TTC17: variants seen among roughly 807,000 people sequenced by gnomAD.
TTC17 encodes tetratricopeptide repeat protein 17.
Under a neutral mutation model 143.8 loss-of-function variants are expected in TTC17, and 58 were observed. The ratio of observed to expected loss-of-function variants is 0.40; its 90% CI spans 0.33 to 0.50. The LOEUF (loss-of-function observed/expected upper bound fraction) is 0.50. TTC17 is among the 20% of genes least tolerant of loss of function. The pLI is 0.49. For synonymous variants in TTC17, 501 were observed against 497.8 expected, an observed-to-expected ratio of 1.01 and a Z score of -0.09; for missense variants, 1,273 against 1,392.5, an observed-to-expected ratio of 0.91 and a Z score of 1.37.
At chr11:43,425,867 T>G (rs1947016289) in intron 16 of TTC17, among the ~76,000 whole-genome samples, 2 of 152,240 alleles carry the variant, frequency 1.3e-5, no homozygotes, top group Admixed American at 1.3e-4. Context: ...GCCATAGCTT[T>G]GGATTTGTCT....
At chr11:43,485,108 C>T (rs369090449) in intron 21 of TTC17, among the ~76,000 whole-genome samples, 3 of 151,960 alleles carry the variant, frequency 2.0e-5, no homozygotes, top group East Asian at 3.9e-4. Context: ...ATAAAGTGCA[C>T]GATAAATGTA....
intron 16 of TTC17, among the ~76,000 whole-genome samples, chr11:43,430,704 T>TACACACACACACAC (rs1218079268): frequency 2.0e-5 from 1 of 50,338 alleles, no homozygotes; most frequent in Non-Finnish European, 4.4e-5. Flanking sequence ...ATCCCCTACA[T>TACACACACACACAC]ACACGCACAC....
rs1948451741 is a variant in TTC17, at chr11:43,490,330, C to T, written c.3122C>T (p.Ala1041Val). 1 of 1,611,754 alleles carries T rather than the reference C, an allele frequency of 6.2e-7. No individual in the cohort carries two copies. The highest frequency in any genetic ancestry group is 8.5e-7 in the Non-Finnish European group (1 of 1,178,626). The change falls in exon 22 of 24, where the codon GCT becomes GTT. Residue 1041 changes from alanine to valine, a missense_variant. Around this residue, in one of 3 missense-constraint regions of TTC17, gnomAD observed 878 missense variants for 899.8 expected, o/e 0.98. Coordinates refer to ENST00000039989, the MANE Select transcript of TTC17 (RefSeq NM_018259.6). ...GKKAIDCLRQ[A>V]LHYAPHQMKD... ...AAGGCAATCGACTGCCTCCGCCAGG[C>T]TCTGCACTATGCGCCACACCAGATG...
intron 2 of TTC17, among the ~76,000 whole-genome samples, chr11:43,386,857 T>C (rs1857188954): frequency 6.6e-6 from 1 of 152,148 alleles, no homozygotes. Context: ...GGATGATCAT[T>C]GCTCACTATA....
At chr11:43,362,314 C>T (rs1335718608) in intron 1 of TTC17, among the ~76,000 whole-genome samples, 11 of 152,004 alleles carry the variant, frequency 7.2e-5, no homozygotes, top group Admixed American at 5.2e-4. Flanking sequence ...CCGCTGTGCC[C>T]GGCCATTATA....
chr11:43,434,196 C>T (rs1018115016), intron 16 of TTC17, among the ~76,000 whole-genome samples: 7 of 132,114 alleles, frequency 5.3e-5, no homozygotes, highest in African/African-American at 2.1e-4. Context: ...CACACACACA[C>T]ACACACACAC....
chr11:43,440,517 T>C (rs1370125107), intron 16 of TTC17, among the ~76,000 whole-genome samples: 1 of 152,230 alleles, frequency 6.6e-6, no homozygotes, highest in Non-Finnish European at 1.5e-5. Flanking sequence ...TAACATTTCC[T>C]TGTATACCTC....
intron 1 of TTC17, chr11:43,359,340 C>T (rs1855998197): frequency 1.9e-6 from 1 of 513,188 alleles, no homozygotes; most frequent in Middle Eastern, 5.3e-4. Context: ...CACCCTTCCA[C>T]CTCGCGGGCC....
chr11:43,374,573 A>AG (rs2134463443), intron 1 of TTC17, among the ~76,000 whole-genome samples: 1 of 152,282 alleles, frequency 6.6e-6, no homozygotes, highest in South Asian at 2.1e-4. Context: ...CAAGCAAAAA[A>AG]CAACTCCATT....
Position 43,491,326 on chromosome 11 carries a change from G to C in TTC17, c.3151-694G>C, listed in dbSNP as rs570331339. The C allele has an allele frequency of 2.6e-5, 4 of 152,298 alleles. No individual in the cohort carries two copies. The South Asian group carries it at 6.2e-4, about 24-fold the overall frequency. The allele number at this position is 152,298 out of a possible 1,614,324, so 9.4% of individuals were successfully genotyped here. ...TGATATTTGTGATGATAGCAATCTT[G>C]CTACTTGTTCCATCCATCATTTTGT... On this transcript the variant is annotated intron_variant, in intron 22 of 23. Coordinates refer to ENST00000039989, the MANE Select transcript of TTC17 (RefSeq NM_018259.6).
intron 6 of TTC17, chr11:43,397,051 C>T: frequency 2.2e-6 from 1 of 463,818 alleles, no homozygotes; most frequent in East Asian, 3.1e-5. Flanking sequence ...TATGTAGATG[C>T]CCTATGATTC....
At chr11:43,438,667 C>A (rs1947346359) in intron 16 of TTC17, among the ~76,000 whole-genome samples, 1 of 152,106 alleles carries the variant, frequency 6.6e-6, no homozygotes, top group South Asian at 2.1e-4. Context: ...ATTTTGTTGG[C>A]CATCTCTTTG....
At chr11:43,489,424 A>G (rs903016819) in intron 21 of TTC17, among the ~76,000 whole-genome samples, 2 of 152,080 alleles carry the variant, frequency 1.3e-5, no homozygotes, top group Non-Finnish European at 2.9e-5. Flanking sequence ...ATACTTAGAT[A>G]TTTCTGGCAG....
chr11:43,382,145 A>G (rs1856994294), intron 2 of TTC17, among the ~76,000 whole-genome samples: 2 of 152,216 alleles, frequency 1.3e-5, no homozygotes, highest in African/African-American at 2.4e-5. Context: ...GTGAAGGGTA[A>G]GGGAAAATCA....
chr11:43,420,394 G>T (rs1203212857), intron 16 of TTC17, among the ~76,000 whole-genome samples: 1 of 152,222 alleles, frequency 6.6e-6, no homozygotes, highest in African/African-American at 2.4e-5. Flanking sequence ...CAAAAGAGAT[G>T]CATTTCTACG....
chr11:43,451,208 A>G lies in TTC17; in HGVS notation c.2973A>G (p.Gln991=), dbSNP rs940519694. ...TEVLQNLGKD[Q]YPQQSLEQIG... is the part of the protein sequence containing the mutation. ...TATTACAAAATCTCGGCAAAGACCA[A>G]TATCCACAACAGTCGCTTGAACAGA... The change falls in exon 21 of 24, where the codon CAA becomes CAG. Residue 991 remains glutamine (Q), a synonymous_variant. Transcript: ENST00000039989. The G allele has an allele frequency of 5.1e-5, 82 of 1,613,738 alleles. No homozygotes were observed. The highest frequency in any genetic ancestry group is 5.7e-5 in the Non-Finnish European group (67 of 1,179,744).
At chr11:43,445,506 A>G (rs1456634971) in intron 18 of TTC17, among the ~76,000 whole-genome samples, 1 of 152,134 alleles carries the variant, frequency 6.6e-6, no homozygotes, top group Admixed American at 6.5e-5. Context: ...CAATAAGCCT[A>G]TATTACTTTT....
chr11:43,381,944 C>G (rs939479200), intron 2 of TTC17, among the ~76,000 whole-genome samples: 1 of 152,150 alleles, frequency 6.6e-6, no homozygotes, highest in Non-Finnish European at 1.5e-5. Flanking sequence ...TTTGAAATGC[C>G]TATCAGGCAT....
intron 16 of TTC17, among the ~76,000 whole-genome samples, chr11:43,415,925 T>G (rs1432005329): frequency 6.6e-6 from 1 of 152,102 alleles, no homozygotes; most frequent in African/African-American, 2.4e-5. Context: ...TAGAGTGGAG[T>G]GGCTAGCACT....
Sources: gnomAD v4.1 joint callset for allele counts (sites outside exome capture counted in the v4.1 genomes callset) on GRCh38, gnomAD v4.1.1 for gene constraint, gnomAD v4.1.1 regional missense constraint, MANE v1.5 for transcripts, NCBI Gene and HGNC (gene_info 2026-07-23, HGNC 2026-07-21) for gene names.